The following PGGT1B variants were observed in gnomAD, a reference collection of about 807,000 sequenced individuals.
The protein encoded by PGGT1B is geranylgeranyl transferase type-1 subunit beta.
In PGGT1B, 30 loss-of-function variants were observed where a neutral mutation model predicts 46.1. The observed-to-expected ratio is 0.65, with a 90% confidence interval of 0.49 to 0.88. The LOEUF (loss-of-function observed/expected upper bound fraction) is 0.88, where lower values mean the gene tolerates loss of function less well. Ranked by LOEUF, PGGT1B falls within the 40% of genes least tolerant of loss-of-function variation. PGGT1B has a pLI of 0.00. For missense variants in PGGT1B, 376 were observed against 455.9 expected (o/e 0.82, Z 1.60); for synonymous variants, 170 against 160.0 (o/e 1.06, Z -0.47).
At chr5:115,258,557 A>C (rs552473989) in intron 1 of PGGT1B, among the ~76,000 whole-genome samples, 2 of 152,268 alleles carry the variant, frequency 1.3e-5, no homozygotes, top group Admixed American at 1.3e-4. Context: ...ATTTTGAACC[A>C]CTACTAGAGA....
At chr5:115,237,830 A>C (rs1757228432) in intron 4 of PGGT1B, 28 bp downstream of exon 4, 1 of 1,579,218 alleles carries the variant, frequency 6.3e-7, no homozygotes. Flanking sequence ...TGTTTATTAC[A>C]AAAAAAGTAA....
At chr5:115,212,627 T>C (rs761253530) in intron 8 of PGGT1B, 44 bp from the exon 9 acceptor site, 3 of 1,325,180 alleles carry the variant, frequency 2.3e-6, no homozygotes, top group Middle Eastern at 1.9e-4. Context: ...CATTCTTACT[T>C]GTACATTCTA....
At position 115,248,014 on chromosome 5, in the gene PGGT1B, A is replaced by T. The variant is rs572834011; in HGVS notation, c.259+5123T>A. Among the ~76,000 whole-genome samples, 7 of 152,354 alleles carry T rather than the reference A, an allele frequency of 4.6e-5. No individual in the cohort carries two copies. In the East Asian group the frequency reaches 1.3e-3, roughly 29 times the overall value. ...TATGCAACACGCTTGACTTAGCCACATGAAACCATACTTACTTCCCCCATG... is the reference window on the plus strand; with the variant it reads ...TATGCAACACGCTTGACTTAGCCACTTGAAACCATACTTACTTCCCCCATG... On this transcript the variant is annotated intron_variant, in intron 2 of 8. Transcript: ENST00000419445.
rs1194218445 is a variant in PGGT1B at position 115,204,474 on chromosome 5, C to G, written c.*7928G>C. On this transcript the variant is annotated 3_prime_UTR_variant, in exon 9 of 9. Transcript: ENST00000419445. ...GGCATACAGTTGGCATTAATTCATA[C>G]AGCACATATAAAGAATTAACCTCCC... is the stretch of plus-strand genomic sequence containing the variant. The G allele has an allele frequency of 6.6e-6, 1 of 152,140 alleles. No individual in the cohort carries two copies. The highest frequency in any genetic ancestry group is 1.5e-5 in the Non-Finnish European group (1 of 68,024). 9.4% of individuals were successfully genotyped at this position (152,140 alleles called of 1,614,324 possible).
chr5:115,252,562 CAG>C (rs1306235472), intron 2 of PGGT1B, among the ~76,000 whole-genome samples: 1 of 151,838 alleles, frequency 6.6e-6, no homozygotes, highest in Admixed American at 6.6e-5. Flanking sequence ...GAGTGAATAA[CAG>C]AGTTTATAAA....
In PGGT1B at chr5:115,259,620, C is replaced by T. The variant is rs561531463; in HGVS notation, c.140+3092G>A. ...AGGAGAATCGCTTGAACCCAGGAGG[C>T]GGAGGCTGCAGTGAGGAGAGATGGT... On this transcript the variant is annotated intron_variant, in intron 1 of 8. Coordinates refer to ENST00000419445, the MANE Select transcript of PGGT1B (RefSeq NM_005023.4). 1.8e-4 allele frequency among the ~76,000 whole-genome samples: 24 copies of T among 131,248 alleles called. No individual in the cohort carries two copies. The South Asian group carries it at 6.0e-3, about 33-fold the overall frequency. 86.1% of individuals were successfully genotyped at this position (131,248 alleles called of 152,430 possible).
chr5:115,232,105 G>A (rs979121085), intron 5 of PGGT1B, among the ~76,000 whole-genome samples: 19 of 152,132 alleles, frequency 1.2e-4, no homozygotes, highest in African/African-American at 4.3e-4. Flanking sequence ...GGCCAACAAA[G>A]ATGAAAGTGC....
intron 8 of PGGT1B, among the ~76,000 whole-genome samples, chr5:115,213,665 G>A (rs1375964428): frequency 2.6e-5 from 4 of 151,946 alleles, no homozygotes; most frequent in Non-Finnish European, 5.9e-5. Context: ...CGGCTACTCG[G>A]GAGGCTGAGG....
chr5:115,214,843 A>G (rs776694329), intron 8 of PGGT1B, among the ~76,000 whole-genome samples: 51 of 152,380 alleles, frequency 3.3e-4, no homozygotes, highest in Non-Finnish European at 6.5e-4. Context: ...ACTGGTTTAA[A>G]AAATGGAATG....
chr5:115,229,110 A>G (rs1373542271), intron 6 of PGGT1B, among the ~76,000 whole-genome samples: 4 of 152,174 alleles, frequency 2.6e-5, no homozygotes, highest in South Asian at 2.1e-4. Context: ...AAGGGGAAAG[A>G]AAACTAAACC....
intron 2 of PGGT1B, among the ~76,000 whole-genome samples, chr5:115,243,865 G>A (rs1449708536): frequency 6.6e-6 from 1 of 151,692 alleles, no homozygotes; most frequent in East Asian, 1.9e-4. Context: ...CTCATATATG[G>A]GCCCCATATC....
At chr5:115,233,470 G>A (rs1561477266) in intron 5 of PGGT1B, among the ~76,000 whole-genome samples, 1 of 150,324 alleles carries the variant, frequency 6.7e-6, no homozygotes, top group Admixed American at 6.6e-5. Context: ...CAAAGAGAAA[G>A]TGGCTGAAAA....
chr5:115,209,015 TC>T lies in PGGT1B; in HGVS notation c.*3386del, dbSNP rs1248120095. 1 of 152,018 alleles carries T rather than the reference TC, an allele frequency of 6.6e-6. No individual in the cohort carries two copies. Among genetic ancestry groups the T allele is most frequent in the African/African-American group, 2.4e-5 (1 of 41,396 alleles). The allele number at this position is 152,018 out of a possible 1,614,324, so 9.4% of individuals were successfully genotyped here. ...AATCCTGGCTCACTTACTCTTTTTTTCCCCTTAACTGAAATGAGTTTTTCTG... is the reference window on the plus strand; with the variant it reads ...AATCCTGGCTCACTTACTCTTTTTTTCCCTTAACTGAAATGAGTTTTTCTG... On this transcript the variant is annotated 3_prime_UTR_variant, in exon 9 of 9. Transcript: ENST00000419445.
chr5:115,243,428 G>A (rs1757410886), intron 2 of PGGT1B, among the ~76,000 whole-genome samples: 2 of 152,068 alleles, frequency 1.3e-5, no homozygotes, highest in Admixed American at 6.5e-5. Context: ...ATCAAGTTAA[G>A]CAAAAAAGTA....
chr5:115,233,305 A>G (rs1399127798), intron 5 of PGGT1B, among the ~76,000 whole-genome samples: 1 of 151,956 alleles, frequency 6.6e-6, no homozygotes, highest in Non-Finnish European at 1.5e-5. Context: ...AAAGAGAAAT[A>G]GTGTTAGAAA....
At position 115,209,896 on chromosome 5, in the gene PGGT1B, T is replaced by C. The variant is rs958094674; in HGVS notation, c.*2506A>G. On this transcript the variant is annotated 3_prime_UTR_variant, in exon 9 of 9. Transcript: ENST00000419445. ...GCAGAGTTAGGGTCCAAGATCATGC[T>C]GCTGAACTGGCAAATCTGGGATTTA... The C allele has an allele frequency of 5.9e-5, 9 of 152,204 alleles. No homozygotes were observed. The highest frequency in any genetic ancestry group is 5.2e-4 in the Admixed American group (8 of 15,250). The allele number at this position is 152,204 out of a possible 1,614,324, so 9.4% of individuals were successfully genotyped here.
intron 7 of PGGT1B, 123 bp from the exon 8 acceptor site, chr5:115,217,096 T>C (rs1225529256): frequency 4.8e-6 from 3 of 623,164 alleles, no homozygotes; most frequent in Non-Finnish European, 5.8e-6. Context: ...ACCAAGTCTC[T>C]GGGGCCTTGA....
intron 1 of PGGT1B, among the ~76,000 whole-genome samples, chr5:115,259,008 A>G (rs1748440369): frequency 6.6e-6 from 1 of 152,184 alleles, no homozygotes; most frequent in Non-Finnish European, 1.5e-5. Flanking sequence ...AAAACACCAT[A>G]CAGACACTCT....
At chr5:115,239,486 T>C (rs1399312957) in intron 3 of PGGT1B, among the ~76,000 whole-genome samples, 2 of 152,244 alleles carry the variant, frequency 1.3e-5, no homozygotes, top group African/African-American at 2.4e-5. Context: ...CTTCTTAGAA[T>C]TCCTATTGCA....
Sources: allele counts gnomAD v4.1 joint callset (sites outside exome capture counted in the v4.1 genomes callset), GRCh38; gene constraint gnomAD v4.1.1; transcripts MANE v1.5; gene names NCBI Gene and HGNC (gene_info 2026-07-23, HGNC 2026-07-21).